The following EPS15 variants were observed in gnomAD, a reference collection of about 807,000 sequenced individuals.
The protein encoded by EPS15 is epidermal growth factor receptor substrate 15.
A neutral mutation model predicts 113.8 loss-of-function variants in EPS15; 72 were observed. The ratio of observed to expected loss-of-function variants is 0.63; its 90% CI spans 0.52 to 0.77. The LOEUF (loss-of-function observed/expected upper bound fraction) is 0.77. Among genes scored for constraint, EPS15 ranks in the 30% least tolerant of loss-of-function variants. The pLI is 0.00. For synonymous variants in EPS15, 344 were observed against 363.4 expected, an observed-to-expected ratio of 0.95 and a Z score of 0.61; for missense variants, 1,048 against 1,045.8, an observed-to-expected ratio of 1.00 and a Z score of -0.03.
chr1:51,402,373 G>T, intron 18 of EPS15, 62 bp downstream of exon 18: 1 of 875,796 alleles, frequency 1.1e-6, no homozygotes. Context: ...TGAATCCTTA[G>T]TTTATATATT....
chr1:51,460,640 T>C (rs995185446), intron 8 of EPS15, among the ~76,000 whole-genome samples: 114 of 151,712 alleles, frequency 7.5e-4, no homozygotes, highest in Non-Finnish European at 1.5e-4. Flanking sequence ...GTTTAGAAAA[T>C]AAATATAAAT....
intron 1 of EPS15, among the ~76,000 whole-genome samples, chr1:51,513,481 T>C (rs1644662572): frequency 1.3e-5 from 2 of 152,166 alleles, no homozygotes; most frequent in African/African-American, 2.4e-5. Flanking sequence ...ATATACAGTA[T>C]ACATATATAT....
At chr1:51,395,511 C>CACAT (rs1470162309) in intron 20 of EPS15, among the ~76,000 whole-genome samples, 1 of 147,808 alleles carries the variant, frequency 6.8e-6, no homozygotes, top group Non-Finnish European at 1.5e-5. Context: ...CACATATACA[C>CACAT]ACATACACAC....
intron 21 of EPS15, among the ~76,000 whole-genome samples, chr1:51,393,039 T>C (rs942895908): frequency 3.3e-5 from 5 of 152,180 alleles, no homozygotes; most frequent in Non-Finnish European, 5.9e-5. Context: ...TCATTCTAAG[T>C]TTCTATTTAA....
intron 1 of EPS15, among the ~76,000 whole-genome samples, chr1:51,485,837 G>A (rs369514741): frequency 4.6e-5 from 7 of 152,058 alleles, no homozygotes; most frequent in African/African-American, 7.2e-5. Context: ...CGCTCTTGTC[G>A]CCCAGGGTGG....
intron 21 of EPS15, among the ~76,000 whole-genome samples, chr1:51,386,147 A>AT (rs1443496819): frequency 1.3e-5 from 2 of 152,180 alleles, no homozygotes; most frequent in Non-Finnish European, 2.9e-5. Context: ...CAGCTGGCTC[A>AT]TTTTTTCATT....
intron 21 of EPS15, among the ~76,000 whole-genome samples, chr1:51,392,546 A>G (rs1015980819): frequency 6.6e-6 from 1 of 152,232 alleles, no homozygotes; most frequent in African/African-American, 2.4e-5. Flanking sequence ...CTACCACTTC[A>G]GCCTTGACTA....
At chr1:51,428,374 C>T (rs1353235802) in intron 12 of EPS15, among the ~76,000 whole-genome samples, 1 of 152,174 alleles carries the variant, frequency 6.6e-6, no homozygotes, top group African/African-American at 2.4e-5. Flanking sequence ...TTTTTGTTTA[C>T]AACTCCACTT....
chr1:51,508,226 A>AG (rs1336567376), intron 1 of EPS15, among the ~76,000 whole-genome samples: 200 of 114,028 alleles, frequency 1.8e-3, no homozygotes, highest in African/African-American at 5.5e-3. Context: ...AAGAAAAGAA[A>AG]AGAAAAGAAA....
rs886099895 is a variant in EPS15, at chr1:51,356,685, G to C, written c.*15C>G. On this transcript the variant is annotated 3_prime_UTR_variant, in exon 25 of 25. Transcript: ENST00000371733. Reference sequence around the variant, plus strand: ...AGAAGAATACTATATTGTTGCCAAAGAACAAGAGAATTCTTCATGCTTCTG... The same window carrying C: ...AGAAGAATACTATATTGTTGCCAAACAACAAGAGAATTCTTCATGCTTCTG... 3 of 1,611,130 alleles carry C rather than the reference G, an allele frequency of 1.9e-6. No individual in the cohort carries two copies. The highest frequency in any genetic ancestry group is 2.5e-6 in the Non-Finnish European group (3 of 1,178,142).
At chr1:51,423,577 G>A (rs776899688) in intron 12 of EPS15, 9 of 985,304 alleles carry the variant, frequency 9.1e-6, no homozygotes, top group Non-Finnish European at 1.1e-5. Flanking sequence ...TATCAACTCA[G>A]CTCCTGGTTT....
chr1:51,392,999 C>A (rs1299732397), intron 21 of EPS15, among the ~76,000 whole-genome samples: 1 of 152,214 alleles, frequency 6.6e-6, no homozygotes, highest in Non-Finnish European at 1.5e-5. Context: ...ACTGTTAATA[C>A]AATAAGCCTT....
chr1:51,510,643 A>G (rs971552901), intron 1 of EPS15, among the ~76,000 whole-genome samples: 13 of 152,178 alleles, frequency 8.5e-5, no homozygotes, highest in African/African-American at 3.1e-4. Flanking sequence ...ACTACAGTGG[A>G]GCCGGAAGAG....
At chr1:51,464,770 C>CA (rs1270172630) in intron 6 of EPS15, among the ~76,000 whole-genome samples, 2 of 151,988 alleles carry the variant, frequency 1.3e-5, no homozygotes, top group Non-Finnish European at 1.5e-5. Context: ...AAATGGTTTT[C>CA]AAAAAAACTG....
At chr1:51,439,342 T>TA (rs1172114088) in intron 12 of EPS15, among the ~76,000 whole-genome samples, 2 of 152,100 alleles carry the variant, frequency 1.3e-5, no homozygotes, top group African/African-American at 2.4e-5. Context: ...AATCTCAACA[T>TA]AGTCTCACAG....
At chr1:51,445,913 A>G (rs750813630) in intron 10 of EPS15, among the ~76,000 whole-genome samples, 1 of 152,262 alleles carries the variant, frequency 6.6e-6, no homozygotes, top group African/African-American at 2.4e-5. Context: ...AAGCTTAGGC[A>G]TAACATTAAG....
At chr1:51,460,099 T>C (rs1445876658) in intron 8 of EPS15, among the ~76,000 whole-genome samples, 1 of 152,080 alleles carries the variant, frequency 6.6e-6, no homozygotes, top group Non-Finnish European at 1.5e-5. Flanking sequence ...AAAATACAAG[T>C]GGGAGTACTC....
chr1:51,460,025 A>G (rs1258788719), intron 8 of EPS15, among the ~76,000 whole-genome samples: 4 of 152,170 alleles, frequency 2.6e-5, no homozygotes, highest in Non-Finnish European at 5.9e-5. Flanking sequence ...AATAGAAAGG[A>G]TAAGTAAATT....
intron 1 of EPS15, among the ~76,000 whole-genome samples, chr1:51,500,669 T>C (rs1644395934): frequency 1.3e-5 from 2 of 152,040 alleles, no homozygotes; most frequent in Non-Finnish European, 2.9e-5. Flanking sequence ...GTGTGCACCA[T>C]CACACCCAGC....
Sources: gnomAD v4.1 joint callset for allele counts (sites outside exome capture counted in the v4.1 genomes callset) on GRCh38, gnomAD v4.1.1 for gene constraint, MANE v1.5 for transcripts, NCBI Gene and HGNC (gene_info 2026-07-23, HGNC 2026-07-21) for gene names.